DYNC1I2: variants seen among roughly 807,000 people sequenced by gnomAD.
The protein encoded by DYNC1I2 is dynein cytoplasmic 1 intermediate chain 2, also known as cytoplasmic dynein 1 intermediate chain 2.
A neutral mutation model predicts 88.6 loss-of-function variants in DYNC1I2; 53 were observed. That is an observed-to-expected ratio of 0.60 (90% confidence interval 0.48 to 0.75). The LOEUF (loss-of-function observed/expected upper bound fraction) is 0.75. DYNC1I2 is among the 30% of genes least tolerant of loss of function. The pLI, the probability that DYNC1I2 is intolerant of heterozygous loss-of-function variation, is 0.00. For missense variants in DYNC1I2, 458 were observed against 766.6 expected (o/e 0.60, Z 4.75); for synonymous variants, 198 against 254.6 (o/e 0.78, Z 2.12).
chr2:171,689,573 A>G (rs1370700640), intron 1 of DYNC1I2, among the ~76,000 whole-genome samples: 1 of 152,174 alleles, frequency 6.6e-6, no homozygotes, highest in Non-Finnish European at 1.5e-5. Context: ...ACTTTGAGAC[A>G]TTGTGTTCAG....
chr2:171,697,388 T>G (rs1472453955), intron 3 of DYNC1I2, among the ~76,000 whole-genome samples: 5 of 152,220 alleles, frequency 3.3e-5, no homozygotes, highest in Admixed American at 3.3e-4. Flanking sequence ...ATCTACTTGT[T>G]GAAGAGGGTG....
Position 171,747,796 on chromosome 2 carries a change from T to C in DYNC1I2, c.1824T>C (p.Asn608=), listed in dbSNP as rs1418100453. The C allele has an allele frequency of 6.2e-7, 1 of 1,610,620 alleles. No individual in the cohort carries two copies. Among genetic ancestry groups the C allele is most frequent in the Non-Finnish European group, 8.5e-7 (1 of 1,178,960 alleles). ...DVGEQIAVPR[N]DEWARFGRTL... ...AACAGCAGATTGCTGTTCCCCGCAATGATGAATGGGCACGGTTTGGCCGAA... is the reference window on the plus strand; with the variant it reads ...AACAGCAGATTGCTGTTCCCCGCAACGATGAATGGGCACGGTTTGGCCGAA... The change falls in exon 18 of 18, where the codon AAT becomes AAC. Residue 608 remains asparagine, a synonymous_variant. Coordinates refer to ENST00000397119, the MANE Select transcript of DYNC1I2 (RefSeq NM_001378.3).
chr2:171,697,132 CT>C (rs1259752764), intron 3 of DYNC1I2, among the ~76,000 whole-genome samples: 2 of 152,100 alleles, frequency 1.3e-5, no homozygotes, highest in Non-Finnish European at 2.9e-5. Flanking sequence ...TCCCAAGTAG[CT>C]GGGAACATAG....
At chr2:171,739,324 T>C (rs1689236234) in intron 15 of DYNC1I2, among the ~76,000 whole-genome samples, 1 of 152,078 alleles carries the variant, frequency 6.6e-6, no homozygotes, top group African/African-American at 2.4e-5. Context: ...TATCTGAAAA[T>C]TTTTAATTCA....
Position 171,707,467 on chromosome 2 carries a change from T to G in DYNC1I2, c.335+90T>G, listed in dbSNP as rs1001094771. 4 of 1,145,846 alleles carry G rather than the reference T, an allele frequency of 3.5e-6. No individual in the cohort carries two copies. The African/African-American group carries it at 6.4e-5, about 18-fold the overall frequency. 71.0% of individuals were successfully genotyped at this position (1,145,846 alleles called of 1,614,324 possible). ...ACTTTAAAGGGACTCTAAATAGTTGTGTCGAGTTAGTCCTAACATTTTAAA... is the reference window on the plus strand; with the variant it reads ...ACTTTAAAGGGACTCTAAATAGTTGGGTCGAGTTAGTCCTAACATTTTAAA... On this transcript the variant is annotated intron_variant, in intron 5 of 17. Coordinates refer to ENST00000397119, the MANE Select transcript of DYNC1I2 (RefSeq NM_001378.3).
At chr2:171,733,306 T>G (rs1212895906) in intron 15 of DYNC1I2, among the ~76,000 whole-genome samples, 1 of 152,132 alleles carries the variant, frequency 6.6e-6, no homozygotes, top group African/African-American at 2.4e-5. Context: ...TGATTGATAC[T>G]CCTTTGGGTA....
At chr2:171,739,764 G>A (rs966924465) in intron 15 of DYNC1I2, among the ~76,000 whole-genome samples, 19 of 144,384 alleles carry the variant, frequency 1.3e-4, no homozygotes, top group African/African-American at 3.9e-4. Flanking sequence ...GGAGTGCAGT[G>A]GCACGATCTT....
At position 171,730,762 on chromosome 2, in the gene DYNC1I2, A is replaced by G. The variant is rs139361286; in HGVS notation, c.1536+909A>G. Among the ~76,000 whole-genome samples, 92 of 152,254 alleles carry G rather than the reference A, an allele frequency of 6.0e-4. 1 individual carries two copies. Among genetic ancestry groups the G allele is most frequent in the African/African-American group, 2.0e-3 (83 of 41,548 alleles). ...ATATTGACTTTTTAAATAATTCATC[A>G]TGAGACAAAGTTTAGAGATCTTTGG... On this transcript the variant is annotated intron_variant, in intron 15 of 17. Transcript: ENST00000397119.
rs908765911 is a variant in DYNC1I2 at position 171,748,552 on chromosome 2, A to G, written c.*663A>G. On this transcript the variant is annotated 3_prime_UTR_variant, in exon 18 of 18. Transcript: ENST00000397119. ...TAGAGCTGTGTACCCTAAATATACC[A>G]TGTGGTATATACTATAGATCTCCCA... is the stretch of plus-strand genomic sequence containing the variant. The G allele has an allele frequency of 2.0e-5, 3 of 152,196 alleles. No individual in the cohort carries two copies. Among genetic ancestry groups the G allele is most frequent in the African/African-American group, 4.8e-5 (2 of 41,452 alleles). The allele number at this position is 152,196 out of a possible 1,614,324, so 9.4% of individuals were successfully genotyped here. A position where few individuals can be genotyped will look rare whatever the true frequency, so the allele number is the denominator to read the frequency against.
intron 14 of DYNC1I2, 50 bp from the exon 15 acceptor site, chr2:171,729,659 T>TG (rs1438097723): frequency 1.3e-6 from 2 of 1,589,890 alleles, no homozygotes; most frequent in South Asian, 1.1e-5. Context: ...TGTATGTAAT[T>TG]GGTCTACTTA....
chr2:171,704,935 T>C (rs532643301), intron 3 of DYNC1I2, among the ~76,000 whole-genome samples: 1 of 152,286 alleles, frequency 6.6e-6, no homozygotes, highest in African/African-American at 2.4e-5. Context: ...CCTTCTGTGG[T>C]ATACATTATT....
chr2:171,706,701 A>G (rs1335950184), intron 4 of DYNC1I2, 137 bp downstream of exon 4: 5 of 743,226 alleles, frequency 6.7e-6, no homozygotes, highest in Non-Finnish European at 1.1e-5. Flanking sequence ...TGAACATTTT[A>G]AAGGAGCCAT....
At chr2:171,733,031 C>T (rs937134549) in intron 15 of DYNC1I2, among the ~76,000 whole-genome samples, 5 of 152,096 alleles carry the variant, frequency 3.3e-5, no homozygotes, top group African/African-American at 1.2e-4. Context: ...GAGTTGTTCT[C>T]CTCTATGTGT....
chr2:171,690,588 C>T (rs962237350), intron 2 of DYNC1I2, among the ~76,000 whole-genome samples: 4 of 150,362 alleles, frequency 2.7e-5, no homozygotes, highest in Admixed American at 1.3e-4. Flanking sequence ...GTTCAATTTA[C>T]AATTTAGTCT....
chr2:171,731,400 A>G (rs35162284), intron 15 of DYNC1I2, among the ~76,000 whole-genome samples: 37,901 of 152,118 alleles, frequency 0.25, 5,848 homozygotes, highest in Middle Eastern at 0.37. Flanking sequence ...ATGTATAACC[A>G]TAAGTATAAC....
rs67834157 is a variant in DYNC1I2 at position 171,747,207 on chromosome 2, T to TTATATA, written c.1804-549_1804-544dup. 0.013 allele frequency among the ~76,000 whole-genome samples: 1,578 copies of TTATATA among 124,652 alleles called. 99 individuals carry two copies. In the East Asian group the frequency reaches 0.18, roughly 14 times the overall value. The allele number at this position is 124,652 out of a possible 152,430, so 81.8% of individuals were successfully genotyped here. On this transcript the variant is annotated intron_variant, in intron 17 of 17. Coordinates refer to ENST00000397119, the MANE Select transcript of DYNC1I2 (RefSeq NM_001378.3). ...GGACTGTCTCAAAAAAAAAAAAAAA[T>TTATATA]TATATATATATATATATATATATAT...
chr2:171,727,718 C>A (rs1261890567), intron 11 of DYNC1I2, 103 bp from the exon 12 acceptor site: 1 of 1,045,142 alleles, frequency 9.6e-7, no homozygotes, highest in Non-Finnish European at 1.4e-6. Context: ...CCTCTAATAC[C>A]ATACAATGAA....
chr2:171,723,605 G>C (rs1441597820), intron 7 of DYNC1I2, among the ~76,000 whole-genome samples: 1 of 152,164 alleles, frequency 6.6e-6, no homozygotes, highest in African/African-American at 2.4e-5. Flanking sequence ...CGTTGTATAT[G>C]AGAATTCATC....
intron 11 of DYNC1I2, 38 bp downstream of exon 11, chr2:171,726,954 A>G: frequency 6.6e-7 from 1 of 1,526,516 alleles, no homozygotes; most frequent in Non-Finnish European, 8.8e-7. Context: ...CTCAAGTTTA[A>G]GAATTCATTG....
Sources: gnomAD v4.1 joint callset for allele counts (sites outside exome capture counted in the v4.1 genomes callset) on GRCh38, gnomAD v4.1.1 for gene constraint, MANE v1.5 for transcripts, NCBI Gene and HGNC (gene_info 2026-07-23, HGNC 2026-07-21) for gene names.